The following DIP2A variants were observed in gnomAD, a reference collection of about 807,000 sequenced individuals.
The protein encoded by DIP2A is DIP2 acetate--CoA ligase A.
A neutral mutation model predicts 177.4 loss-of-function variants in DIP2A; 85 were observed. The observed-to-expected ratio is 0.48, with a 90% CI of 0.40 to 0.57. DIP2A has a LOEUF of 0.57. Among genes scored for constraint, DIP2A ranks in the 20% least tolerant of loss-of-function variants. The pLI, the probability that DIP2A is intolerant of heterozygous loss-of-function variation, is 0.00. For missense variants in DIP2A, 1,791 were observed against 2,100.2 expected (o/e 0.85, Z 2.88); for synonymous variants, 886 against 881.8 (o/e 1.00, Z -0.08).
Position 46,569,922 on chromosome 21 carries a change from T to G in DIP2A, c.*2300T>G, listed in dbSNP as rs1240072812. The G allele has an allele frequency of 2.0e-5, 3 of 152,054 alleles. No homozygotes were observed. The highest frequency in any genetic ancestry group is 4.4e-5 in the Non-Finnish European group (3 of 68,028). The allele number at this position is 152,054 out of a possible 1,614,324, so 9.4% of individuals were successfully genotyped here. A position where few individuals can be genotyped will look rare whatever the true frequency, so the allele number is the denominator to read the frequency against. ...AACATAAACCCTCTCAGGGATTTATTTTTTCTTTTTAAAAATTTTTTACAA... is the reference window on the plus strand; with the variant it reads ...AACATAAACCCTCTCAGGGATTTATGTTTTCTTTTTAAAAATTTTTTACAA... On this transcript the variant is annotated 3_prime_UTR_variant, in exon 38 of 38. Transcript: ENST00000417564.
intron 1 of DIP2A, among the ~76,000 whole-genome samples, chr21:46,461,070 G>A (rs547347883): frequency 6.6e-6 from 1 of 151,808 alleles, no homozygotes; most frequent in South Asian, 2.1e-4. Flanking sequence ...ACTTTGGGAG[G>A]CCACGTTGGC....
At chr21:46,582,571 C>G in the DIP2A span, among the ~76,000 whole-genome samples, 1 of 152,280 alleles carries the variant, frequency 6.6e-6, no homozygotes, top group Admixed American at 6.5e-5. Context: ...CTCCTCTTGC[C>G]CCATGGTGCT....
rs1278318459 is a variant in DIP2A, at chr21:46,556,511, G to A, written c.3498+420G>A. On this transcript the variant is annotated intron_variant, in intron 29 of 37. Coordinates refer to ENST00000417564, the MANE Select transcript of DIP2A (RefSeq NM_015151.4). The surrounding 1 kb of genome is among the most constrained non-coding windows in gnomAD (Gnocchi z 4.5). ...ATCCTGGCCAACGTGGTGAAACCCC[G>A]TCTCTACTAAAAATACAAAAAATTA... The A allele has an allele frequency of 2.6e-5, 15 of 583,264 alleles. 1 individual carries two copies. Among genetic ancestry groups the A allele is most frequent in the Non-Finnish European group, 3.5e-5 (13 of 368,982 alleles). The allele number at this position is 583,264 out of a possible 1,614,324, so 36.1% of individuals were successfully genotyped here.
chr21:46,568,636 TA>T lies in DIP2A; in HGVS notation c.*1015del, dbSNP rs2060899031. ...TGTTTCAGAAAGATAAGCCAGCATT[TA>T]GTTTTAAATCACTTTCCTGGTTTGT... On this transcript the variant is annotated 3_prime_UTR_variant, in exon 38 of 38. Coordinates refer to ENST00000417564, the MANE Select transcript of DIP2A (RefSeq NM_015151.4). 1 of 152,244 alleles carries T rather than the reference TA, an allele frequency of 6.6e-6. No homozygotes were observed. The highest frequency in any genetic ancestry group is 1.5e-5 in the Non-Finnish European group (1 of 68,038). The allele number at this position is 152,244 out of a possible 1,614,324, so 9.4% of individuals were successfully genotyped here.
chr21:46,525,431 C>T (rs115153717), intron 8 of DIP2A, among the ~76,000 whole-genome samples: 5,465 of 152,272 alleles, frequency 0.036, 144 homozygotes, highest in Middle Eastern at 0.085. Context: ...TGTGGTGGCA[C>T]GTGGGTCATC....
intron 2 of DIP2A, 78 bp from the exon 3 acceptor site, chr21:46,490,522 A>G (rs1236298745): frequency 1.4e-6 from 2 of 1,459,834 alleles, no homozygotes; most frequent in Non-Finnish European, 1.8e-6. Context: ...GAGAAATGTA[A>G]GCTGTTTTCA....
intron 8 of DIP2A, among the ~76,000 whole-genome samples, chr21:46,524,489 C>T (rs796556454): frequency 1.2e-4 from 19 of 152,250 alleles, no homozygotes; most frequent in African/African-American, 4.6e-4. Flanking sequence ...TCCTTTGGGT[C>T]GGGGGTCTCC....
Position 46,563,836 on chromosome 21 carries a change from G to T in DIP2A, c.4090-22G>T. 6.2e-7 allele frequency: 1 copy of T among 1,611,928 alleles called. No individual in the cohort carries two copies. Among genetic ancestry groups the T allele is most frequent in the Non-Finnish European group, 8.5e-7 (1 of 1,179,396 alleles). ...TCGTGTCATGTTTTCTTTAACAAGG[G>T]ACATAGCTCTCCTCCTTCCAGATCC... On this transcript the variant is annotated intron_variant, in intron 34 of 37. Coordinates refer to ENST00000417564, the MANE Select transcript of DIP2A (RefSeq NM_015151.4). The surrounding 1 kb of genome is among the most constrained non-coding windows in gnomAD (Gnocchi z 4.3).
At chr21:46,566,240 G>A (rs1438345417) in intron 36 of DIP2A, among the ~76,000 whole-genome samples, 4 of 152,194 alleles carry the variant, frequency 2.6e-5, no homozygotes, top group Admixed American at 6.5e-5. Context: ...AGAGGACTCT[G>A]TGCAGCCACC....
intron 35 of DIP2A, among the ~76,000 whole-genome samples, 191 bp from the exon 36 acceptor site, chr21:46,565,522 G>A (rs2060809390): frequency 6.6e-6 from 1 of 152,236 alleles, no homozygotes; most frequent in Non-Finnish European, 1.5e-5. Context: ...TATTTAAGGA[G>A]AGAAAAGTTC....
At chr21:46,575,451 T>G in the DIP2A span, among the ~76,000 whole-genome samples, 1 of 152,112 alleles carries the variant, frequency 6.6e-6, no homozygotes, top group Non-Finnish European at 1.5e-5. Flanking sequence ...AAAAAAGGAT[T>G]CTAAATTGGA....
At position 46,555,116 on chromosome 21, in the gene DIP2A, C is replaced by T. The variant is rs16979379; in HGVS notation, c.3388+183C>T. On this transcript the variant is annotated intron_variant, in intron 28 of 37. Transcript: ENST00000417564. ...AGGGGTCCCTGTCCCATGTGTAAAC[C>T]CACGCTCCACTCAGCCCACAGCAGC... is the stretch of plus-strand genomic sequence containing the variant. Among the ~76,000 whole-genome samples the T allele has an allele frequency of 8.7e-3, 1,320 of 152,286 alleles. 20 individuals carry two copies. Among genetic ancestry groups the T allele is most frequent in the African/African-American group, 0.03 (1,262 of 41,560 alleles).
intron 22 of DIP2A, 124 bp downstream of exon 22, chr21:46,550,009 G>T (rs949719712): frequency 3.3e-6 from 5 of 1,513,522 alleles, no homozygotes; most frequent in Middle Eastern, 1.8e-4. Flanking sequence ...TTGTTTATCT[G>T]TATTTTTCAT....
At position 46,565,629 on chromosome 21, in the gene DIP2A, A is replaced by T; in HGVS notation, c.4165-84A>T. 3.6e-6 allele frequency: 5 copies of T among 1,377,738 alleles called. No individual in the cohort carries two copies. In the South Asian group the frequency reaches 5.6e-5, roughly 15 times the overall value. 85.3% of individuals were successfully genotyped at this position (1,377,738 alleles called of 1,614,324 possible). A position where few individuals can be genotyped will look rare whatever the true frequency, so the allele number is the denominator to read the frequency against. On this transcript the variant is annotated intron_variant, in intron 35 of 37. Transcript: ENST00000417564. Reference sequence around the variant, plus strand: ...TTCGTTCAGTGTTTTCTGGAGCATTATTCTTGGCCAGTGGATGTCTCGTGA... The same window carrying T: ...TTCGTTCAGTGTTTTCTGGAGCATTTTTCTTGGCCAGTGGATGTCTCGTGA...
chr21:46,465,692 A>G (rs1210089091), intron 1 of DIP2A, among the ~76,000 whole-genome samples: 3 of 152,146 alleles, frequency 2.0e-5, no homozygotes, highest in East Asian at 1.9e-4. Context: ...TTGCAGTTTT[A>G]AAAAAACAAA....
chr21:46,472,782 A>T (rs528238783), intron 1 of DIP2A, among the ~76,000 whole-genome samples: 8 of 152,134 alleles, frequency 5.3e-5, no homozygotes, highest in African/African-American at 1.4e-4. Context: ...AACAAACTCA[A>T]ATTCCTCCCT....
chr21:46,549,664 C>T, intron 21 of DIP2A, 107 bp from the exon 22 acceptor site: 2 of 1,529,286 alleles, frequency 1.3e-6, no homozygotes, highest in Middle Eastern at 1.8e-4. Flanking sequence ...TGATAGACTG[C>T]ATTTTAAATA....
chr21:46,532,334 C>T lies in DIP2A; in HGVS notation c.1305+97C>T, dbSNP rs1035404018. On this transcript the variant is annotated intron_variant, in intron 10 of 37. Transcript: ENST00000417564. ...TTCACTCATGTGGGCAGGCAGCAAGCAGCTGTTTTGACAGAGGAGAGAAAG... is the reference window on the plus strand; with the variant it reads ...TTCACTCATGTGGGCAGGCAGCAAGTAGCTGTTTTGACAGAGGAGAGAAAG... The T allele has an allele frequency of 4.0e-6, 4 of 1,001,896 alleles. No homozygotes were observed. In the African/African-American group the frequency reaches 6.5e-5, roughly 16 times the overall value. 62.1% of individuals were successfully genotyped at this position (1,001,896 alleles called of 1,614,324 possible).
chr21:46,511,336 T>C, intron 7 of DIP2A, 81 bp from the exon 8 acceptor site: 2 of 1,397,590 alleles, frequency 1.4e-6, no homozygotes, highest in Non-Finnish European at 1.9e-6. Flanking sequence ...AAAACAATAT[T>C]ATAAACTATG....
Sources: gnomAD v4.1 joint callset for allele counts (sites outside exome capture counted in the v4.1 genomes callset) on GRCh38, gnomAD v4.1.1 for gene constraint, Gnocchi (gnomAD v3.1) non-coding constraint, MANE v1.5 for transcripts, NCBI Gene and HGNC (gene_info 2026-07-23, HGNC 2026-07-21) for gene names.